The following NEK1 variants were observed in gnomAD, a reference collection of about 807,000 sequenced individuals.
The protein encoded by NEK1 is NIMA related kinase 1, also known as serine/threonine-protein kinase Nek1.
Under a neutral mutation model 182.1 loss-of-function variants are expected in NEK1, and 137 were observed. The ratio of observed to expected loss-of-function variants is 0.75; its 90% CI spans 0.65 to 0.87. The LOEUF is 0.87. Among genes scored for constraint, NEK1 ranks in the 40% least tolerant of loss-of-function variants. The pLI is 0.00. For synonymous variants in NEK1, 513 were observed against 492.2 expected, an observed-to-expected ratio of 1.04 and a Z score of -0.56; for missense variants, 1,391 against 1,494.4, an observed-to-expected ratio of 0.93 and a Z score of 1.14.
intron 26 of NEK1, among the ~76,000 whole-genome samples, chr4:169,471,442 T>G (rs929698811): frequency 6.6e-6 from 1 of 152,160 alleles, no homozygotes; most frequent in Non-Finnish European, 1.5e-5. Flanking sequence ...TGCCTGGGTA[T>G]CTCCAGTGGA....
At chr4:169,561,966 C>T in intron 13 of NEK1, 75 bp from the exon 14 acceptor site, 1 of 1,286,266 alleles carries the variant, frequency 7.8e-7, no homozygotes. Flanking sequence ...AGTTAGTACA[C>T]CAATGGCAGA....
intron 19 of NEK1, among the ~76,000 whole-genome samples, chr4:169,512,404 T>TA (rs1333656185): frequency 3.9e-5 from 6 of 152,118 alleles, no homozygotes; most frequent in Non-Finnish European, 8.8e-5. Context: ...GCCATATGTA[T>TA]ATCCTCTTTG....
chr4:169,572,598 A>G (rs1002059217), intron 12 of NEK1, among the ~76,000 whole-genome samples: 5 of 152,194 alleles, frequency 3.3e-5, no homozygotes, highest in African/African-American at 9.7e-5. Flanking sequence ...AAAAAAGAAG[A>G]TATCTGAGGC....
At chr4:169,450,429 GA>G (rs1741488638) in intron 27 of NEK1, among the ~76,000 whole-genome samples, 1 of 152,208 alleles carries the variant, frequency 6.6e-6, no homozygotes, top group Non-Finnish European at 1.5e-5. Flanking sequence ...CAGCCAGAGA[GA>G]AAGGTCGAGT....
At chr4:169,566,645 G>A (rs1329221686) in intron 12 of NEK1, among the ~76,000 whole-genome samples, 1 of 152,162 alleles carries the variant, frequency 6.6e-6, no homozygotes, top group Non-Finnish European at 1.5e-5. Context: ...ATGCACATTA[G>A]CTTAAATTTG....
chr4:169,405,838 T>C (rs1039653812), intron 32 of NEK1, among the ~76,000 whole-genome samples: 2 of 152,128 alleles, frequency 1.3e-5, no homozygotes, highest in Non-Finnish European at 2.9e-5. Flanking sequence ...GTGTGGTAGC[T>C]CATGCCCGTA....
intron 23 of NEK1, among the ~76,000 whole-genome samples, chr4:169,491,540 T>A (rs1031711587): frequency 2.6e-5 from 4 of 152,064 alleles, no homozygotes; most frequent in Non-Finnish European, 2.9e-5. Flanking sequence ...AAAATAGAAG[T>A]AAAGTCTTTC....
At chr4:169,511,991 A>C (rs1754267005) in intron 19 of NEK1, among the ~76,000 whole-genome samples, 2 of 152,102 alleles carry the variant, frequency 1.3e-5, no homozygotes, top group Non-Finnish European at 2.9e-5. Context: ...TAGTGTTATG[A>C]TACAGTCTTT....
At position 169,566,653 on chromosome 4, in the gene NEK1, T is replaced by A. The variant is rs557759783; in HGVS notation, c.1021-4457A>T. Among the ~76,000 whole-genome samples the A allele has an allele frequency of 6.6e-5, 10 of 152,332 alleles. No individual in the cohort carries two copies. The South Asian group carries it at 1.0e-3, about 16-fold the overall frequency. ...CAACTTAATGCACATTAGCTTAAAT[T>A]TGTGCAATTAAAACATGACAGTATC... On this transcript the variant is annotated intron_variant, in intron 12 of 35. Coordinates refer to ENST00000507142, the MANE Select transcript of NEK1 (RefSeq NM_001199397.3).
intron 31 of NEK1, among the ~76,000 whole-genome samples, chr4:169,419,937 G>T (rs1735189536): frequency 6.6e-6 from 1 of 152,152 alleles, no homozygotes; most frequent in Non-Finnish European, 1.5e-5. Context: ...TGGAGCTTGT[G>T]GAACTGGAAG....
intron 23 of NEK1, among the ~76,000 whole-genome samples, chr4:169,490,399 T>A (rs1749841382): frequency 1.3e-5 from 2 of 152,058 alleles, no homozygotes; most frequent in Admixed American, 1.3e-4. Context: ...TGTGCAGTTA[T>A]CAATGCAAGG....
chr4:169,419,547 T>G (rs1008483174), intron 31 of NEK1, among the ~76,000 whole-genome samples: 7 of 152,210 alleles, frequency 4.6e-5, no homozygotes, highest in African/African-American at 1.7e-4. Context: ...AAAAATGTAT[T>G]GTGGAATTTA....
chr4:169,546,692 G>C (rs1316272487), intron 18 of NEK1, among the ~76,000 whole-genome samples: 1 of 152,152 alleles, frequency 6.6e-6, no homozygotes, highest in Non-Finnish European at 1.5e-5. Context: ...AGGATAGTTA[G>C]CTCTTCTTGT....
intron 23 of NEK1, among the ~76,000 whole-genome samples, chr4:169,500,713 C>T (rs533992393): frequency 1.3e-5 from 2 of 152,274 alleles, no homozygotes; most frequent in African/African-American, 4.8e-5. Context: ...CAAGCAATTG[C>T]TAAGAGAATT....
At chr4:169,443,051 T>TTATCTATCTATCTATCTATC (rs58470007) in intron 27 of NEK1, among the ~76,000 whole-genome samples, 194 of 141,794 alleles carry the variant, frequency 1.4e-3, no homozygotes, top group African/African-American at 1.7e-3. Context: ...TAAAAATATT[T>TTATCTATCTATCTATCTATC]TATCTATCTA....
chr4:169,439,651 G>A (rs1739054981), intron 27 of NEK1, among the ~76,000 whole-genome samples: 1 of 151,932 alleles, frequency 6.6e-6, no homozygotes, highest in African/African-American at 2.4e-5. Context: ...CAGAAGAATA[G>A]GAAATAATCA....
At chr4:169,546,787 A>G (rs550400138) in intron 18 of NEK1, among the ~76,000 whole-genome samples, 10 of 152,310 alleles carry the variant, frequency 6.6e-5, no homozygotes, top group Admixed American at 3.3e-4. Context: ...ATCAGAGACT[A>G]GGATTGCAAC....
intron 12 of NEK1, among the ~76,000 whole-genome samples, chr4:169,572,102 G>A (rs923460087): frequency 2.0e-5 from 3 of 151,984 alleles, no homozygotes; most frequent in African/African-American, 7.3e-5. Flanking sequence ...GCAGGAGAGT[G>A]TAACGATCTG....
intron 27 of NEK1, among the ~76,000 whole-genome samples, chr4:169,445,008 T>C (rs1740232788): frequency 6.6e-6 from 1 of 152,016 alleles, no homozygotes; most frequent in South Asian, 2.1e-4. Flanking sequence ...AAACATTGAG[T>C]CAACGAAGAA....
Sources: gnomAD v4.1 joint callset for allele counts (sites outside exome capture counted in the v4.1 genomes callset) on GRCh38, gnomAD v4.1.1 for gene constraint, MANE v1.5 for transcripts, NCBI Gene and HGNC (gene_info 2026-07-23, HGNC 2026-07-21) for gene names.